The following TRAPPC9 variants were observed in gnomAD, a reference collection of about 807,000 sequenced individuals.
TRAPPC9 encodes IKK2 binding protein.
Under a neutral mutation model 124.0 loss-of-function variants are expected in TRAPPC9, and 83 were observed. The observed-to-expected ratio is 0.67, with a 90% CI of 0.56 to 0.80. The LOEUF (loss-of-function observed/expected upper bound fraction) is 0.80, where lower values mean the gene tolerates loss of function less well. Among genes scored for constraint, TRAPPC9 ranks in the 30% least tolerant of loss-of-function variants. TRAPPC9 has a pLI of 0.00. For synonymous variants in TRAPPC9, 638 were observed against 617.5 expected, an observed-to-expected ratio of 1.03 and a Z score of -0.49; for missense variants, 1,302 against 1,508.3, an observed-to-expected ratio of 0.86 and a Z score of 2.27.
At chr8:140,457,325 G>C (rs1249396212) in intron 1 of TRAPPC9, among the ~76,000 whole-genome samples, 2 of 152,198 alleles carry the variant, frequency 1.3e-5, no homozygotes, top group African/African-American at 4.8e-5. Flanking sequence ...CCGCGAGCTC[G>C]GGAGAGCAGA....
At chr8:139,760,899 G>A (rs961211391) in intron 21 of TRAPPC9, among the ~76,000 whole-genome samples, 1 of 152,206 alleles carries the variant, frequency 6.6e-6, no homozygotes, top group East Asian at 1.9e-4. Context: ...AATTACCGGA[G>A]CTACAAAATG....
chr8:140,197,934 C>G (rs1166654874), intron 17 of TRAPPC9, among the ~76,000 whole-genome samples: 2 of 152,138 alleles, frequency 1.3e-5, no homozygotes, highest in African/African-American at 2.4e-5. Flanking sequence ...GGCTAGTTTT[C>G]CCCAGCACAT....
chr8:139,933,936 A>C (rs576638701), intron 19 of TRAPPC9: 4 of 152,326 alleles, frequency 2.6e-5, no homozygotes, highest in South Asian at 2.1e-4. Context: ...GTATAGCAAA[A>C]GCATCTACTA....
rs1209487213 is a variant in TRAPPC9 at position 139,830,189 on chromosome 8, C to T, written c.3055+55690G>A. 2.6e-5 allele frequency among the ~76,000 whole-genome samples: 4 copies of T among 152,122 alleles called. No individual in the cohort carries two copies. In the East Asian group the frequency reaches 7.7e-4, roughly 29 times the overall value. On this transcript the variant is annotated intron_variant, in intron 21 of 22. Coordinates refer to ENST00000438773, the MANE Select transcript of TRAPPC9 (RefSeq NM_001160372.4). ...ACGTGCACGTGCACACACATGTATA[C>T]AAACACATACACACACATGCATACA...
chr8:140,235,884 C>T (rs1003961885), intron 16 of TRAPPC9, among the ~76,000 whole-genome samples: 20 of 152,072 alleles, frequency 1.3e-4, no homozygotes, highest in Admixed American at 3.9e-4. Context: ...AGTATTTTCA[C>T]GCAATACCAT....
intron 19 of TRAPPC9, among the ~76,000 whole-genome samples, chr8:139,918,704 C>G (rs908993441): frequency 6.6e-6 from 1 of 152,264 alleles, no homozygotes; most frequent in African/African-American, 2.4e-5. Flanking sequence ...TTCGCTTGCA[C>G]TTCTCCGGAT....
chr8:140,105,965 GCAAT>G (rs143982224), intron 17 of TRAPPC9, among the ~76,000 whole-genome samples: 4,012 of 151,162 alleles, frequency 0.027, 71 homozygotes, highest in Non-Finnish European at 0.041. Flanking sequence ...ACGAGAACGA[GCAAT>G]CAAAGGTCCA....
chr8:140,391,731 G>C (rs963167951), intron 7 of TRAPPC9, among the ~76,000 whole-genome samples: 1 of 131,352 alleles, frequency 7.6e-6, no homozygotes, highest in Non-Finnish European at 1.6e-5. Context: ...AAAAAAAAAA[G>C]AATTAAGAAA....
At chr8:139,814,271 T>A (rs989351254) in intron 21 of TRAPPC9, among the ~76,000 whole-genome samples, 7 of 152,226 alleles carry the variant, frequency 4.6e-5, no homozygotes, top group African/African-American at 1.7e-4. Flanking sequence ...AGCCTCGAGC[T>A]GGGCCTGTTT....
chr8:140,259,126 G>A (rs545253205), intron 15 of TRAPPC9, among the ~76,000 whole-genome samples: 158 of 152,246 alleles, frequency 1.0e-3, no homozygotes, highest in African/African-American at 3.6e-3. Context: ...CCCCTCTCAC[G>A]GCTGCTCTCC....
intron 5 of TRAPPC9, among the ~76,000 whole-genome samples, chr8:140,409,083 C>T (rs184519057): frequency 2.0e-4 from 31 of 151,808 alleles, no homozygotes; most frequent in Admixed American, 1.3e-3. Context: ...ATATCACAAA[C>T]GGCTAATTCC....
chr8:140,121,098 GCTCT>G (rs965960382), intron 17 of TRAPPC9, among the ~76,000 whole-genome samples: 1 of 152,258 alleles, frequency 6.6e-6, no homozygotes, highest in Non-Finnish European at 1.5e-5. Context: ...TTCTCTAAGA[GCTCT>G]CTATCAACTT....
intron 21 of TRAPPC9, among the ~76,000 whole-genome samples, chr8:139,832,824 G>A (rs146608796): frequency 2.4e-4 from 37 of 152,232 alleles, no homozygotes; most frequent in African/African-American, 8.2e-4. Flanking sequence ...CTTGGATAGC[G>A]TCCTCCCCAT....
chr8:140,141,036 C>G (rs2061374464), intron 17 of TRAPPC9, among the ~76,000 whole-genome samples: 1 of 152,202 alleles, frequency 6.6e-6, no homozygotes, highest in African/African-American at 2.4e-5. Context: ...TTCATGCTAA[C>G]ATACTTAACT....
chr8:139,964,779 T>C (rs2665936), intron 19 of TRAPPC9, among the ~76,000 whole-genome samples: 56,461 of 151,768 alleles, frequency 0.37, 11,833 homozygotes, highest in Non-Finnish European at 0.47. Flanking sequence ...TGAGGAAAAA[T>C]AATATTTGCT....
Position 139,825,631 on chromosome 8 carries a change from A to AC in TRAPPC9, c.3055+60247dup, listed in dbSNP as rs1409377623. ...AAGTTCTGAGAAAAAAGTCACTTCC[A>AC]CCCGGGGGAAATTTCATGGCTCTGG... is the stretch of plus-strand genomic sequence containing the variant. On this transcript the variant is annotated intron_variant, in intron 21 of 22. Coordinates refer to ENST00000438773, the MANE Select transcript of TRAPPC9 (RefSeq NM_001160372.4). This position sits in a 1 kb window ranked among gnomAD's most constrained non-coding sequence, Gnocchi z 4.6. 6.6e-6 allele frequency among the ~76,000 whole-genome samples: 1 copy of AC among 151,862 alleles called. No individual in the cohort carries two copies. The highest frequency in any genetic ancestry group is 1.5e-5 in the Non-Finnish European group (1 of 67,970).
At chr8:139,895,930 C>T (rs1227461257) in intron 20 of TRAPPC9, among the ~76,000 whole-genome samples, 8 of 152,182 alleles carry the variant, frequency 5.3e-5, no homozygotes, top group African/African-American at 1.9e-4. Context: ...CTAACAGGCC[C>T]GGCCAGGCTG....
intron 9 of TRAPPC9, among the ~76,000 whole-genome samples, chr8:140,355,907 C>CT (rs1420101517): frequency 6.6e-6 from 1 of 152,168 alleles, no homozygotes; most frequent in Non-Finnish European, 1.5e-5. Flanking sequence ...ACAGATCACC[C>CT]TTTTTGAAAG....
At chr8:139,748,498 G>A (rs1819102612) in intron 21 of TRAPPC9, among the ~76,000 whole-genome samples, 1 of 150,684 alleles carries the variant, frequency 6.6e-6, no homozygotes, top group Non-Finnish European at 1.5e-5. Flanking sequence ...GCAGGTAGGG[G>A]GGGCATACAG....
Sources: allele counts gnomAD v4.1 joint callset (sites outside exome capture counted in the v4.1 genomes callset), GRCh38; gene constraint gnomAD v4.1.1; non-coding constraint Gnocchi (gnomAD v3.1); transcripts MANE v1.5; gene names NCBI Gene and HGNC (gene_info 2026-07-23, HGNC 2026-07-21).